The following SLC4A4 variants were observed in gnomAD, a reference collection of about 807,000 sequenced individuals.
SLC4A4 encodes the protein electrogenic sodium bicarbonate cotransporter 1.
A neutral mutation model predicts 111.5 loss-of-function variants in SLC4A4; 27 were observed. The observed-to-expected ratio is 0.24, with a 90% CI of 0.18 to 0.33. The LOEUF (loss-of-function observed/expected upper bound fraction) is 0.33, where lower values mean the gene tolerates loss of function less well. Among genes scored for constraint, SLC4A4 ranks in the 10% least tolerant of loss-of-function variants. The pLI is 1.00. For synonymous variants in SLC4A4, 443 were observed against 463.4 expected (o/e 0.96, Z 0.57); for missense variants, 909 against 1,315.5 (o/e 0.69, Z 4.78).
chr4:71,474,667 T>G (rs1728196380), intron 14 of SLC4A4, among the ~76,000 whole-genome samples: 1 of 151,640 alleles, frequency 6.6e-6, no homozygotes, highest in Non-Finnish European at 1.5e-5. Context: ...TCTTTTTGTG[T>G]TAAGATAAAT....
chr4:71,335,784 C>T (rs1728389756), intron 3 of SLC4A4, among the ~76,000 whole-genome samples: 1 of 151,362 alleles, frequency 6.6e-6, no homozygotes, highest in South Asian at 2.1e-4. Flanking sequence ...GAGTTAGCGC[C>T]ACTGCACTCC....
At position 71,295,405 on chromosome 4, in the gene SLC4A4, T is replaced by C. The variant is rs145907756; in HGVS notation, c.253+40006T>C. On this transcript the variant is annotated intron_variant, in intron 3 of 25. Transcript: ENST00000264485. ...TTTCATTGTGGGATGTATACATCCT[T>C]TTAAATATCAACAGAAGAAATTTTC... is the stretch of plus-strand genomic sequence containing the variant. Among the ~76,000 whole-genome samples, 16 of 152,298 alleles carry C rather than the reference T, an allele frequency of 1.1e-4. No individual in the cohort carries two copies. In the East Asian group the frequency reaches 3.1e-3, roughly 29 times the overall value.
intron 6 of SLC4A4, among the ~76,000 whole-genome samples, chr4:71,372,710 A>G (rs1191009455): frequency 2.0e-5 from 3 of 152,048 alleles, no homozygotes; most frequent in African/African-American, 7.2e-5. Context: ...CTTGCTTTGT[A>G]TTTTACCTGT....
At chr4:71,136,302 C>T (rs897577333) in intron 2 of SLC4A4, among the ~76,000 whole-genome samples, 3 of 152,170 alleles carry the variant, frequency 2.0e-5, no homozygotes, top group African/African-American at 7.2e-5. Flanking sequence ...ACAGAAGAGC[C>T]CTCATGCATA....
At chr4:71,317,080 G>C (rs1459428613) in intron 3 of SLC4A4, among the ~76,000 whole-genome samples, 1 of 22,882 alleles carries the variant, frequency 4.4e-5, no homozygotes, top group African/African-American at 1.1e-4. Flanking sequence ...GTGTGCGTGT[G>C]TGTGTGTGTG....
chr4:71,422,696 TA>T (rs1247431192), intron 7 of SLC4A4, among the ~76,000 whole-genome samples: 4 of 151,034 alleles, frequency 2.6e-5, no homozygotes, highest in African/African-American at 9.7e-5. Context: ...CGCAAATCAA[TA>T]AATGTAATCC....
chr4:71,358,314 G>GA (rs757154295), intron 6 of SLC4A4, among the ~76,000 whole-genome samples: 2,273 of 120,336 alleles, frequency 0.019, 62 homozygotes, highest in African/African-American at 0.059. Flanking sequence ...GACTCCGTCT[G>GA]AAAAAAAAAA....
At chr4:71,362,524 G>C (rs935396003) in intron 6 of SLC4A4, among the ~76,000 whole-genome samples, 2 of 152,170 alleles carry the variant, frequency 1.3e-5, no homozygotes, top group Non-Finnish European at 1.5e-5. Context: ...ATATTGAATA[G>C]GAGTGGTTTC....
intron 2 of SLC4A4, among the ~76,000 whole-genome samples, chr4:71,247,238 GAT>G (rs886784177): frequency 2.0e-5 from 3 of 146,998 alleles, no homozygotes; most frequent in African/African-American, 7.4e-5. Context: ...TTTTATATAA[GAT>G]ATAATATTTA....
chr4:71,286,246 A>G (rs890543848), intron 3 of SLC4A4, among the ~76,000 whole-genome samples: 2 of 152,152 alleles, frequency 1.3e-5, no homozygotes, highest in African/African-American at 4.8e-5. Context: ...TCTCAAAAAA[A>G]AAGTTCAGAT....
chr4:71,420,464 C>A (rs1409646659), intron 7 of SLC4A4, among the ~76,000 whole-genome samples: 1 of 151,976 alleles, frequency 6.6e-6, no homozygotes, highest in African/African-American at 2.4e-5. Flanking sequence ...GGCCAACATT[C>A]AGATTCAGGA....
chr4:71,156,587 C>CGCGT (rs1744478026), intron 2 of SLC4A4, among the ~76,000 whole-genome samples: 5 of 113,430 alleles, frequency 4.4e-5, no homozygotes, highest in South Asian at 3.9e-4. Context: ...CGCGCGCGCG[C>CGCGT]GCACACACAC....
intron 2 of SLC4A4, among the ~76,000 whole-genome samples, chr4:71,153,512 T>C (rs2148973333): frequency 6.6e-6 from 1 of 152,298 alleles, no homozygotes; most frequent in African/African-American, 2.4e-5. Flanking sequence ...GGCCATTGGC[T>C]AGTCGTTAGT....
chr4:71,317,981 T>C (rs896825977), intron 3 of SLC4A4, among the ~76,000 whole-genome samples: 3 of 152,246 alleles, frequency 2.0e-5, no homozygotes, highest in East Asian at 3.9e-4. Context: ...CTAGTGTCCT[T>C]ACCAAATTGC....
intron 1 of SLC4A4, among the ~76,000 whole-genome samples, chr4:71,198,571 C>A (rs921140178): frequency 2.7e-5 from 4 of 150,914 alleles, no homozygotes; most frequent in African/African-American, 9.8e-5. Flanking sequence ...GGGTCTTGAA[C>A]AATGAAGTGT....
At chr4:71,523,184 A>G (rs1229224079) in intron 16 of SLC4A4, among the ~76,000 whole-genome samples, 2 of 151,678 alleles carry the variant, frequency 1.3e-5, no homozygotes, top group South Asian at 2.1e-4. Flanking sequence ...TATATGTCTC[A>G]CTTTAGTGTT....
At chr4:71,409,109 C>T (rs572212103) in intron 7 of SLC4A4, among the ~76,000 whole-genome samples, 1 of 152,186 alleles carries the variant, frequency 6.6e-6, no homozygotes. Context: ...TCAATTAAAT[C>T]TCATTTTCTT....
At chr4:71,346,480 G>A (rs988269631) in intron 4 of SLC4A4, among the ~76,000 whole-genome samples, 17 of 146,876 alleles carry the variant, frequency 1.2e-4, no homozygotes, top group African/African-American at 3.3e-4. Flanking sequence ...TAGTTATTAT[G>A]AAGGGGAGAT....
intron 1 of SLC4A4, among the ~76,000 whole-genome samples, chr4:71,092,182 G>A (rs1398751526): frequency 6.6e-6 from 1 of 152,170 alleles, no homozygotes. Flanking sequence ...ATGTAAACAG[G>A]AACTGGCAAA....
Sources: gnomAD v4.1 joint callset for allele counts (sites outside exome capture counted in the v4.1 genomes callset) on GRCh38, gnomAD v4.1.1 for gene constraint, MANE v1.5 for transcripts, NCBI Gene and HGNC (gene_info 2026-07-23, HGNC 2026-07-21) for gene names.